The following TRAPPC9 variants were observed in gnomAD, a reference collection of about 807,000 sequenced individuals.
TRAPPC9 encodes trafficking protein particle complex subunit 9.
A neutral mutation model predicts 124.0 loss-of-function variants in TRAPPC9; 83 were observed. That is an observed-to-expected ratio of 0.67 (90% CI 0.56 to 0.80). TRAPPC9 has a LOEUF of 0.80. TRAPPC9 is among the 30% of genes least tolerant of loss of function. The pLI, the probability that TRAPPC9 is intolerant of heterozygous loss-of-function variation, is 0.00. For synonymous variants in TRAPPC9, 638 were observed against 617.5 expected, an observed-to-expected ratio of 1.03 and a Z score of -0.49; for missense variants, 1,302 against 1,508.3, an observed-to-expected ratio of 0.86 and a Z score of 2.27.
chr8:140,189,463 C>T (rs2062432010), intron 17 of TRAPPC9, among the ~76,000 whole-genome samples: 1 of 152,158 alleles, frequency 6.6e-6, no homozygotes, highest in Non-Finnish European at 1.5e-5. Context: ...ACAGTTCTAC[C>T]AAGCAGTAAC....
At chr8:140,218,133 G>A (rs1277360609) in intron 17 of TRAPPC9, among the ~76,000 whole-genome samples, 1 of 152,032 alleles carries the variant, frequency 6.6e-6, no homozygotes, top group Non-Finnish European at 1.5e-5. Context: ...GGCCAGCAGA[G>A]CTGCACGACG....
intron 18 of TRAPPC9, among the ~76,000 whole-genome samples, chr8:139,995,809 C>CA (rs545727656): frequency 7.1e-6 from 1 of 139,874 alleles, no homozygotes; most frequent in South Asian, 2.3e-4. Context: ...AGAAGCACCA[C>CA]AAATGCTTTG....
intron 21 of TRAPPC9, among the ~76,000 whole-genome samples, chr8:139,851,965 A>G (rs1167166690): frequency 6.6e-6 from 1 of 152,174 alleles, no homozygotes; most frequent in Non-Finnish European, 1.5e-5. Context: ...CGTCTCTGAT[A>G]TGGTTTGGCT....
At chr8:139,853,068 T>C (rs551857484) in intron 21 of TRAPPC9, among the ~76,000 whole-genome samples, 1 of 152,338 alleles carries the variant, frequency 6.6e-6, no homozygotes, top group South Asian at 2.1e-4. Context: ...TGTTCCGTGG[T>C]GACGCCAACA....
intron 17 of TRAPPC9, among the ~76,000 whole-genome samples, chr8:140,107,820 G>T (rs1376796811): frequency 6.6e-6 from 1 of 152,184 alleles, no homozygotes; most frequent in East Asian, 1.9e-4. Context: ...CTGACTGGGG[G>T]TCACGGAGGC....
intron 17 of TRAPPC9, among the ~76,000 whole-genome samples, chr8:140,057,378 T>C (rs973558711): frequency 6.6e-6 from 1 of 152,264 alleles, no homozygotes; most frequent in Admixed American, 6.5e-5. Context: ...CAGAGAGATA[T>C]GTACACTTCC....
intron 17 of TRAPPC9, among the ~76,000 whole-genome samples, chr8:140,158,697 C>A (rs1013354451): frequency 1.3e-5 from 2 of 152,210 alleles, no homozygotes; most frequent in African/African-American, 4.8e-5. Context: ...CCATTCTAGT[C>A]CTGCAAGCTG....
At chr8:140,365,467 C>G (rs143798284) in intron 8 of TRAPPC9, among the ~76,000 whole-genome samples, 2 of 152,216 alleles carry the variant, frequency 1.3e-5, no homozygotes, top group African/African-American at 4.8e-5. Context: ...CTAGCCTTGG[C>G]GTGGATTAGA....
At chr8:140,316,409 G>C (rs1020097250) in intron 9 of TRAPPC9, among the ~76,000 whole-genome samples, 2 of 152,086 alleles carry the variant, frequency 1.3e-5, no homozygotes, top group African/African-American at 4.8e-5. Flanking sequence ...TCCAGAATTT[G>C]GAAACTATTT....
intron 7 of TRAPPC9, among the ~76,000 whole-genome samples, chr8:140,381,436 G>A (rs1197007083): frequency 6.6e-6 from 1 of 152,034 alleles, no homozygotes; most frequent in Non-Finnish European, 1.5e-5. Context: ...GGGAGGCCAA[G>A]GTGGGCGGAT....
At chr8:140,129,955 T>C (rs2061174244) in intron 17 of TRAPPC9, among the ~76,000 whole-genome samples, 1 of 152,178 alleles carries the variant, frequency 6.6e-6, no homozygotes, top group African/African-American at 2.4e-5. Context: ...GCCCCAACTG[T>C]GGCTTCGGAG....
At chr8:139,860,197 A>C (rs1410343094) in intron 21 of TRAPPC9, among the ~76,000 whole-genome samples, 1 of 152,198 alleles carries the variant, frequency 6.6e-6, no homozygotes, top group Non-Finnish European at 1.5e-5. Context: ...AGTGAGCCTT[A>C]ACCAAGCACA....
At chr8:139,834,181 C>T (rs1826179786) in intron 21 of TRAPPC9, among the ~76,000 whole-genome samples, 1 of 152,112 alleles carries the variant, frequency 6.6e-6, no homozygotes, top group South Asian at 2.1e-4. Context: ...AGCTGAGTCA[C>T]AAGGGACTCT....
At chr8:139,748,627 G>A (rs1036525850) in intron 21 of TRAPPC9, among the ~76,000 whole-genome samples, 1 of 151,216 alleles carries the variant, frequency 6.6e-6, no homozygotes, top group Non-Finnish European at 1.5e-5. Context: ...GGTTTTCTGT[G>A]CCGGGCCTTG....
At chr8:140,321,920 C>A (rs1187013521) in intron 9 of TRAPPC9, among the ~76,000 whole-genome samples, 1 of 152,208 alleles carries the variant, frequency 6.6e-6, no homozygotes, top group Non-Finnish European at 1.5e-5. Context: ...TTTCTCCAAG[C>A]ACAAAGCAGA....
chr8:140,401,927 C>CTTTT (rs769830190), intron 6 of TRAPPC9, among the ~76,000 whole-genome samples: 1 of 139,772 alleles, frequency 7.2e-6, no homozygotes, highest in African/African-American at 2.6e-5. Flanking sequence ...CACTCAACCT[C>CTTTT]TTTTTTTTTT....
chr8:140,048,169 G>T (rs994540171), intron 17 of TRAPPC9, among the ~76,000 whole-genome samples: 1 of 152,246 alleles, frequency 6.6e-6, no homozygotes, highest in Non-Finnish European at 1.5e-5. Flanking sequence ...GTGGGTCCCT[G>T]AGCATGCCTA....
intron 17 of TRAPPC9, among the ~76,000 whole-genome samples, chr8:140,112,508 T>C (rs538829106): frequency 1.3e-5 from 2 of 152,062 alleles, no homozygotes; most frequent in Non-Finnish European, 2.9e-5. Context: ...TTCCAGATAA[T>C]GTCAGAGCTC....
chr8:140,431,429 G>C (rs2070642529), intron 4 of TRAPPC9, among the ~76,000 whole-genome samples: 1 of 151,802 alleles, frequency 6.6e-6, no homozygotes, highest in Non-Finnish European at 1.5e-5. Context: ...CTCGGCGACA[G>C]AGTGAGACTC....
Sources: allele counts gnomAD v4.1 joint callset (sites outside exome capture counted in the v4.1 genomes callset), GRCh38; gene constraint gnomAD v4.1.1; transcripts MANE v1.5; gene names NCBI Gene and HGNC (gene_info 2026-07-23, HGNC 2026-07-21).